Variants in LYPD6B observed in about 807,000 individuals in gnomAD.
The protein encoded by LYPD6B is ly6/PLAUR domain-containing protein 6B.
LYPD6B carries 17 observed loss-of-function variants against 22.8 expected under a neutral mutation model. That is an observed-to-expected ratio of 0.75 (90% confidence interval 0.51 to 1.12). The LOEUF (loss-of-function observed/expected upper bound fraction) is 1.12. Among genes scored for constraint, LYPD6B ranks in the 50% most tolerant of loss-of-function variants. The pLI is 0.00. For missense variants in LYPD6B, 221 were observed against 258.3 expected (o/e 0.86, Z 0.99); for synonymous variants, 106 against 91.6 (o/e 1.16, Z -0.90).
chr2:149,131,831 A>G (rs1688049471), intron 2 of LYPD6B, among the ~76,000 whole-genome samples: 1 of 152,182 alleles, frequency 6.6e-6, no homozygotes, highest in South Asian at 2.1e-4. Context: ...AGTCTTTGGG[A>G]GCTAAAACAG....
chr2:149,085,272 C>T (rs1275697269), intron 1 of LYPD6B, among the ~76,000 whole-genome samples: 1 of 152,202 alleles, frequency 6.6e-6, no homozygotes, highest in South Asian at 2.1e-4. Flanking sequence ...ATGTTCGTGC[C>T]CTTCAGTATC....
In LYPD6B at chr2:149,208,532, A is replaced by T. The variant is rs1693646897; in HGVS notation, c.328+120A>T. The T allele has an allele frequency of 9.4e-6, 7 of 743,342 alleles. No individual in the cohort carries two copies. In the South Asian group the frequency reaches 1.3e-4, roughly 13 times the overall value. 46.0% of individuals were successfully genotyped at this position (743,342 alleles called of 1,614,324 possible). A position where few individuals can be genotyped will look rare whatever the true frequency, so the allele number is the denominator to read the frequency against. The stretch of plus-strand genomic sequence containing the variant: ...TCTGAGACTATCCGGACATCAGACT[A>T]TATTGAGAGTTCTTGGAAACTGGTG... On this transcript the variant is annotated intron_variant, in intron 5 of 6. Coordinates refer to ENST00000409642, the MANE Select transcript of LYPD6B (RefSeq NM_177964.5).
At chr2:149,048,070 T>G (rs1313357161) in intron 1 of LYPD6B, among the ~76,000 whole-genome samples, 3 of 152,216 alleles carry the variant, frequency 2.0e-5, no homozygotes, top group Admixed American at 1.3e-4. Flanking sequence ...TAATTAATTT[T>G]GGTTATTTAA....
intron 1 of LYPD6B, among the ~76,000 whole-genome samples, chr2:149,106,699 G>T (rs1190218856): frequency 6.6e-6 from 1 of 152,010 alleles, no homozygotes; most frequent in Non-Finnish European, 1.5e-5. Context: ...TGTATGGAAG[G>T]TTATGAAATG....
chr2:149,091,681 G>A (rs1329326676), intron 1 of LYPD6B, among the ~76,000 whole-genome samples: 1 of 151,662 alleles, frequency 6.6e-6, no homozygotes, highest in Non-Finnish European at 1.5e-5. Flanking sequence ...CTACAGTCCA[G>A]TTTATATTCT....
At chr2:149,103,035 G>A (rs984139069) in intron 1 of LYPD6B, among the ~76,000 whole-genome samples, 14 of 152,146 alleles carry the variant, frequency 9.2e-5, no homozygotes, top group African/African-American at 3.4e-4. Flanking sequence ...ATACTTCTAT[G>A]TACACATACA....
intron 1 of LYPD6B, among the ~76,000 whole-genome samples, chr2:149,083,444 A>G (rs1685229387): frequency 6.6e-6 from 1 of 152,212 alleles, no homozygotes; most frequent in African/African-American, 2.4e-5. Flanking sequence ...CTGGGATAAA[A>G]TCAAGATTCA....
At chr2:149,085,136 C>T (rs1423011079) in intron 1 of LYPD6B, among the ~76,000 whole-genome samples, 6 of 152,236 alleles carry the variant, frequency 3.9e-5, no homozygotes, top group African/African-American at 1.4e-4. Context: ...GTGTCATACT[C>T]CCCATACCGA....
intron 3 of LYPD6B, among the ~76,000 whole-genome samples, chr2:149,196,444 T>G (rs1048477888): frequency 1.3e-5 from 2 of 152,222 alleles, no homozygotes; most frequent in Admixed American, 6.5e-5. Context: ...TATTTCTAGA[T>G]GTGGATTCAA....
intron 1 of LYPD6B, among the ~76,000 whole-genome samples, chr2:149,100,843 C>T (rs1686170680): frequency 6.6e-6 from 1 of 152,160 alleles, no homozygotes; most frequent in African/African-American, 2.4e-5. Flanking sequence ...ACCTAGAATT[C>T]AAAGTGTAAG....
chr2:149,148,585 C>G (rs1689177158), intron 2 of LYPD6B, among the ~76,000 whole-genome samples: 1 of 152,208 alleles, frequency 6.6e-6, no homozygotes, highest in Non-Finnish European at 1.5e-5. Context: ...TGTCTCTTTT[C>G]TCACTCTAGT....
chr2:149,041,632 A>G (rs1182624384), intron 1 of LYPD6B, among the ~76,000 whole-genome samples: 3 of 152,188 alleles, frequency 2.0e-5, no homozygotes, highest in Non-Finnish European at 4.4e-5. Flanking sequence ...GGTAGGCAAC[A>G]AACTGTGTCT....
At chr2:149,095,865 A>T (rs1483343336) in intron 1 of LYPD6B, among the ~76,000 whole-genome samples, 1 of 151,980 alleles carries the variant, frequency 6.6e-6, no homozygotes, top group Non-Finnish European at 1.5e-5. Flanking sequence ...GAGAGACCAT[A>T]GGCAGACAGA....
At chr2:149,160,688 A>G in intron 2 of LYPD6B, 76 bp from the exon 3 acceptor site, 2 of 1,058,166 alleles carry the variant, frequency 1.9e-6, no homozygotes, top group Non-Finnish European at 2.8e-6. Flanking sequence ...CTTTTGTTAG[A>G]AAACATTCCA....
At chr2:149,166,739 T>A (rs902597358) in intron 3 of LYPD6B, among the ~76,000 whole-genome samples, 2 of 152,122 alleles carry the variant, frequency 1.3e-5, no homozygotes, top group African/African-American at 4.8e-5. Flanking sequence ...TTTGCACTCA[T>A]GAGAATTTGC....
intron 1 of LYPD6B, among the ~76,000 whole-genome samples, chr2:149,107,795 T>C (rs990619626): frequency 8.5e-5 from 13 of 152,188 alleles, no homozygotes; most frequent in African/African-American, 3.1e-4. Flanking sequence ...ATATATTCCA[T>C]CTTGGTAACT....
At chr2:149,203,127 A>G (rs969029601) in intron 3 of LYPD6B, among the ~76,000 whole-genome samples, 23 of 152,196 alleles carry the variant, frequency 1.5e-4, no homozygotes, top group Non-Finnish European at 2.8e-4. Context: ...GCACTGGGTC[A>G]TTCAGTCCTC....
intron 1 of LYPD6B, among the ~76,000 whole-genome samples, chr2:149,127,050 T>C (rs1687741080): frequency 6.6e-6 from 1 of 151,988 alleles, no homozygotes; most frequent in South Asian, 2.1e-4. Context: ...GTTGTTGTTT[T>C]GTAATTCTCT....
chr2:149,072,718 G>A (rs1463068044), intron 1 of LYPD6B, among the ~76,000 whole-genome samples: 1 of 151,508 alleles, frequency 6.6e-6, no homozygotes. Flanking sequence ...TGTGTTTTTA[G>A]TAGAGATGGG....
Sources: allele counts gnomAD v4.1 joint callset (sites outside exome capture counted in the v4.1 genomes callset), GRCh38; gene constraint gnomAD v4.1.1; transcripts MANE v1.5; gene names NCBI Gene and HGNC (gene_info 2026-07-23, HGNC 2026-07-21).